MEGF10: variants seen among roughly 807,000 people sequenced by gnomAD.
MEGF10 encodes multiple EGF like domains 10.
A neutral mutation model predicts 147.5 loss-of-function variants in MEGF10; 86 were observed. That is an observed-to-expected ratio of 0.58 (90% CI 0.49 to 0.70). The LOEUF (loss-of-function observed/expected upper bound fraction) is 0.70. Ranked by LOEUF, MEGF10 falls within the 30% of genes least tolerant of loss-of-function variation. The pLI is 0.00. For synonymous variants in MEGF10, 478 were observed against 525.5 expected, an observed-to-expected ratio of 0.91 and a Z score of 1.24; for missense variants, 1,329 against 1,487.3, an observed-to-expected ratio of 0.89 and a Z score of 1.75.
chr5:127,264,796 C>A, the MEGF10 span, among the ~76,000 whole-genome samples: 1 of 151,976 alleles, frequency 6.6e-6, no homozygotes, highest in South Asian at 2.1e-4. Flanking sequence ...AATTTTAACT[C>A]TTTTTTAAAA....
chr5:127,418,085 A>G (rs955224185), intron 10 of MEGF10, among the ~76,000 whole-genome samples: 1 of 152,144 alleles, frequency 6.6e-6, no homozygotes, highest in African/African-American at 2.4e-5. Context: ...TCCTTAAGTA[A>G]TTTATTTTAT....
intron 5 of MEGF10, among the ~76,000 whole-genome samples, chr5:127,390,026 C>T (rs935833505): frequency 3.9e-5 from 6 of 152,050 alleles, no homozygotes. Flanking sequence ...CTTTTACTGC[C>T]AAAAGGATAC....
At chr5:127,260,977 T>C in the MEGF10 span, among the ~76,000 whole-genome samples, 3 of 152,176 alleles carry the variant, frequency 2.0e-5, no homozygotes, top group Non-Finnish European at 4.4e-5. Context: ...TTCAGTACAG[T>C]ACAGGAACTG....
chr5:127,363,757 T>C (rs1236401478), intron 4 of MEGF10, among the ~76,000 whole-genome samples: 2 of 152,174 alleles, frequency 1.3e-5, no homozygotes, highest in African/African-American at 4.8e-5. Context: ...AAAAGACTTA[T>C]AGATACAAAG....
At chr5:127,405,035 G>C (rs1302402711) in intron 8 of MEGF10, among the ~76,000 whole-genome samples, 1 of 152,078 alleles carries the variant, frequency 6.6e-6, no homozygotes, top group Non-Finnish European at 1.5e-5. Flanking sequence ...AATAATAATT[G>C]TGCTTCTCTC....
intron 1 of MEGF10, among the ~76,000 whole-genome samples, chr5:127,326,418 TA>T (rs1281541410): frequency 6.6e-6 from 1 of 152,210 alleles, no homozygotes; most frequent in East Asian, 1.9e-4. Flanking sequence ...GTTATTAGAA[TA>T]ACTAGCCTTG....
chr5:127,332,504 G>A (rs528493587), intron 2 of MEGF10, among the ~76,000 whole-genome samples: 1 of 152,086 alleles, frequency 6.6e-6, no homozygotes, highest in African/African-American at 2.4e-5. Context: ...GGGACATGCT[G>A]GTTTCTCACT....
chr5:127,331,086 A>G (rs1761237976), intron 1 of MEGF10, among the ~76,000 whole-genome samples: 1 of 152,170 alleles, frequency 6.6e-6, no homozygotes, highest in South Asian at 2.1e-4. Flanking sequence ...TTAGTAATTT[A>G]CAAAATAGTA....
chr5:127,329,980 G>C (rs577510708), intron 1 of MEGF10, among the ~76,000 whole-genome samples: 1 of 152,178 alleles, frequency 6.6e-6, no homozygotes, highest in African/African-American at 2.4e-5. Context: ...GGCTTTGCTT[G>C]ATGATATCAG....
At chr5:127,239,565 A>G in the MEGF10 span, among the ~76,000 whole-genome samples, 2 of 150,958 alleles carry the variant, frequency 1.3e-5, no homozygotes, top group Admixed American at 1.3e-4. Context: ...ATCTAAATGA[A>G]TGTTAAATGG....
At chr5:127,247,327 A>G in the MEGF10 span, among the ~76,000 whole-genome samples, 3 of 2,642 alleles carry the variant, frequency 1.1e-3, no homozygotes, top group Non-Finnish European at 2.6e-3. Flanking sequence ...AGAGAAGAAG[A>G]AGAAGAAGAA....
chr5:127,241,310 C>T, the MEGF10 span, among the ~76,000 whole-genome samples: 7 of 152,114 alleles, frequency 4.6e-5, no homozygotes, highest in African/African-American at 1.7e-4. Flanking sequence ...ATGAGGTTGA[C>T]AGGGGTGTCT....
chr5:127,235,065 C>T, the MEGF10 span, among the ~76,000 whole-genome samples: 2 of 152,116 alleles, frequency 1.3e-5, no homozygotes, highest in East Asian at 1.9e-4. Flanking sequence ...AGACTGGTTG[C>T]GAACATCTCA....
chr5:127,434,635 C>A, intron 14 of MEGF10, 52 bp from the exon 15 acceptor site: 8 of 1,534,526 alleles, frequency 5.2e-6, no homozygotes, highest in Non-Finnish European at 7.0e-6. Flanking sequence ...ATCTGGAATG[C>A]GAGACAAACG....
At chr5:127,326,936 T>C (rs1258892700) in intron 1 of MEGF10, among the ~76,000 whole-genome samples, 1 of 152,202 alleles carries the variant, frequency 6.6e-6, no homozygotes, top group Non-Finnish European at 1.5e-5. Flanking sequence ...TCCCCTCTGT[T>C]GTTTCAAAAA....
the MEGF10 span, among the ~76,000 whole-genome samples, chr5:127,234,131 G>A: frequency 1.3e-5 from 2 of 152,144 alleles, no homozygotes; most frequent in East Asian, 1.9e-4. Context: ...CTGTATTTAC[G>A]CTCAGTAATC....
upstream of MEGF10, among the ~76,000 whole-genome samples, chr5:127,290,301 T>C (rs943591469): frequency 1.3e-5 from 2 of 152,074 alleles, no homozygotes; most frequent in Admixed American, 6.5e-5. Flanking sequence ...CTGGCACGGC[T>C]TAATCACCAT....
At chr5:127,344,378 A>T (rs1426566533) in intron 4 of MEGF10, among the ~76,000 whole-genome samples, 1 of 152,236 alleles carries the variant, frequency 6.6e-6, no homozygotes, top group African/African-American at 2.4e-5. Context: ...AATCGTACCC[A>T]TGTTAAAGAT....
At position 127,455,481 on chromosome 5, in the gene MEGF10, C is replaced by T. The variant is rs1293504354; in HGVS notation, c.3106C>T (p.Pro1036Ser). 3 of 1,614,018 alleles carry T rather than the reference C, an allele frequency of 1.9e-6. No homozygotes were observed. The highest frequency in any genetic ancestry group is 2.5e-6 in the Non-Finnish European group (3 of 1,179,992). The change falls in exon 24 of 25, where the codon CCA (proline) becomes TCA (serine). Residue 1036 changes from proline to serine, a missense_variant. Around this residue, in one of 3 missense-constraint regions of MEGF10, gnomAD observed 343 missense variants for 377.9 expected, o/e 0.91. Coordinates refer to ENST00000503335, the MANE Select transcript of MEGF10 (RefSeq NM_001256545.2). ...GAACCCATATGCCACTATTAAAGAC[C>T]CACCTGTACTTATCCCGAAAAGCTC... ...SENPYATIKD[P>S]PVLIPKSSEC...
Sources: allele counts gnomAD v4.1 joint callset (sites outside exome capture counted in the v4.1 genomes callset), GRCh38; gene constraint gnomAD v4.1.1; regional missense constraint gnomAD v4.1.1; transcripts MANE v1.5; gene names NCBI Gene and HGNC (gene_info 2026-07-23, HGNC 2026-07-21).